ZNF385D: variants seen among roughly 807,000 people sequenced by gnomAD.
ZNF385D encodes zinc finger protein 659.
In ZNF385D, 15 loss-of-function variants were observed where a neutral mutation model predicts 35.8. The ratio of observed to expected loss-of-function variants is 0.42; its 90% CI spans 0.28 to 0.64. The LOEUF (loss-of-function observed/expected upper bound fraction) is 0.64, where lower values mean the gene tolerates loss of function less well. Ranked by LOEUF, ZNF385D falls within the 30% of genes least tolerant of loss-of-function variation. ZNF385D has a pLI of 0.23. For missense variants in ZNF385D, 474 were observed against 494.6 expected (o/e 0.96, Z 0.39); for synonymous variants, 212 against 186.8 (o/e 1.13, Z -1.10).
chr3:22,369,649 T>C (rs1014294186), intron 2 of ZNF385D, among the ~76,000 whole-genome samples: 3 of 152,182 alleles, frequency 2.0e-5, no homozygotes, highest in African/African-American at 7.2e-5. Context: ...AGCATCCCAA[T>C]GGGTTTATAC....
intron 3 of ZNF385D, among the ~76,000 whole-genome samples, chr3:21,810,904 T>C (rs1404721778): frequency 1.3e-5 from 2 of 151,626 alleles, no homozygotes; most frequent in East Asian, 3.9e-4. Flanking sequence ...TTTATATATG[T>C]ACATATATAA....
At position 22,053,079 on chromosome 3, in the gene ZNF385D, C is replaced by A. The variant is rs1397734851; in HGVS notation, c.325+115738G>T. Among the ~76,000 whole-genome samples, 2 of 78,772 alleles carry A rather than the reference C, an allele frequency of 2.5e-5. 1 individual carries two copies. Among genetic ancestry groups the A allele is most frequent in the East Asian group, 1.3e-3 (2 of 1,544 alleles). The allele number at this position is 78,772 out of a possible 152,430, so 51.7% of individuals were successfully genotyped here. On this transcript the variant is annotated intron_variant, in intron 3 of 5. Transcript: ENST00000494108. ...TTACCTAAGCAAGCCTGGGCAATGG[C>A]GGGCGCCCCTCCCCCAGCCTCGTTG...
chr3:22,000,104 G>A (rs139244373), intron 3 of ZNF385D, among the ~76,000 whole-genome samples: 6,814 of 152,126 alleles, frequency 0.045, 212 homozygotes, highest in Non-Finnish European at 0.067. Context: ...AGGAGATCAA[G>A]ACCATCCTGG....
chr3:22,280,186 A>T (rs1480846770), intron 2 of ZNF385D, among the ~76,000 whole-genome samples: 1 of 152,042 alleles, frequency 6.6e-6, no homozygotes, highest in East Asian at 1.9e-4. Flanking sequence ...CCTTTGTCAG[A>T]TGTATAGATT....
At chr3:22,138,649 C>T (rs1704308236) in intron 3 of ZNF385D, among the ~76,000 whole-genome samples, 1 of 151,922 alleles carries the variant, frequency 6.6e-6, no homozygotes. Context: ...TTCCTTACAC[C>T]TTAGACAAAA....
At chr3:21,499,578 A>G (rs1017956220) in intron 4 of ZNF385D, among the ~76,000 whole-genome samples, 1 of 152,060 alleles carries the variant, frequency 6.6e-6, no homozygotes, top group African/African-American at 2.4e-5. Context: ...AAACCCTGTG[A>G]CATGCAATTT....
intron 2 of ZNF385D, among the ~76,000 whole-genome samples, chr3:22,229,285 A>T (rs1470563597): frequency 6.6e-6 from 1 of 152,074 alleles, no homozygotes; most frequent in Non-Finnish European, 1.5e-5. Context: ...AAAACTGGCC[A>T]CTTATTTGTG....
chr3:21,870,349 A>C (rs1697620917), intron 3 of ZNF385D, among the ~76,000 whole-genome samples: 1 of 152,178 alleles, frequency 6.6e-6, no homozygotes, highest in Non-Finnish European at 1.5e-5. Context: ...CCTAAGGTAA[A>C]GGGCAGGCCC....
At chr3:22,339,747 C>A (rs1381407522) in intron 2 of ZNF385D, among the ~76,000 whole-genome samples, 1 of 152,120 alleles carries the variant, frequency 6.6e-6, no homozygotes, top group Non-Finnish European at 1.5e-5. Context: ...CTGGTTTCTG[C>A]CTTCACTATC....
Position 21,670,660 on chromosome 3 carries a change from CCCCCCCCCCCCCCA to C in ZNF385D, c.23-5646_23-5633del, listed in dbSNP as rs2066544554. Among the ~76,000 whole-genome samples, 6 of 8,056 alleles carry C rather than the reference CCCCCCCCCCCCCCA, an allele frequency of 7.4e-4. 1 individual carries two copies. The highest frequency in any genetic ancestry group is 1.9e-3 in the Non-Finnish European group (4 of 2,074). 5.3% of individuals were successfully genotyped at this position (8,056 alleles called of 152,430 possible). The stretch of plus-strand genomic sequence containing the variant: ...ATGAAATCCTAAGGCGCCCCCCCCC[CCCCCCCCCCCCCCA>C]ATGACTGAACGAATCCCCTTTGGCC... On this transcript the variant is annotated intron_variant, in intron 1 of 7. Coordinates refer to ENST00000281523, the MANE Select transcript of ZNF385D (RefSeq NM_024697.3).
In ZNF385D at chr3:22,328,836, G is replaced by A. The variant is rs568805727; in HGVS notation, c.106+43614C>T. The stretch of plus-strand genomic sequence containing the variant: ...CACGCCTGTAATCCCAGCACTTTGG[G>A]AAGCCGAGGCGGGCGGATCACGAGG... On this transcript the variant is annotated intron_variant, in intron 2 of 5. Coordinates refer to the ZNF385D transcript ENST00000494108. Among the ~76,000 whole-genome samples the A allele has an allele frequency of 1.7e-3, 256 of 151,954 alleles. No homozygotes were observed. The Middle Eastern group carries it at 0.017, about 10-fold the overall frequency.
chr3:21,773,518 CATCT>C (rs1241944865), intron 3 of ZNF385D, among the ~76,000 whole-genome samples: 2 of 151,784 alleles, frequency 1.3e-5, no homozygotes, highest in African/African-American at 4.8e-5. Context: ...GCAATCTATC[CATCT>C]GACAAAAGTC....
chr3:21,877,479 G>A (rs1361145479), intron 3 of ZNF385D, among the ~76,000 whole-genome samples: 1 of 152,038 alleles, frequency 6.6e-6, no homozygotes, highest in Non-Finnish European at 1.5e-5. Context: ...CACTTTGGTA[G>A]TTATTTAAAG....
At chr3:21,597,790 G>A (rs1299462041) in intron 2 of ZNF385D, among the ~76,000 whole-genome samples, 2 of 152,164 alleles carry the variant, frequency 1.3e-5, no homozygotes, top group Non-Finnish European at 2.9e-5. Context: ...AACATCTTGA[G>A]TATAATTTTG....
At chr3:21,859,196 G>C (rs1402550705) in intron 3 of ZNF385D, among the ~76,000 whole-genome samples, 2 of 151,956 alleles carry the variant, frequency 1.3e-5, no homozygotes, top group East Asian at 3.9e-4. Context: ...AACAGCTCCT[G>C]AGCCTTTCTG....
intron 2 of ZNF385D, among the ~76,000 whole-genome samples, chr3:21,570,544 A>G (rs1021232569): frequency 2.6e-5 from 4 of 152,220 alleles, no homozygotes; most frequent in African/African-American, 9.6e-5. Context: ...TAGGAAGTTT[A>G]GAAGTCCAGA....
Position 22,242,619 on chromosome 3 carries a change from G to T in ZNF385D, c.107-73584C>A, listed in dbSNP as rs546173338. 5.2e-4 allele frequency among the ~76,000 whole-genome samples: 78 copies of T among 151,162 alleles called. 3 individuals carry two copies. Among genetic ancestry groups the T allele is most frequent in the Non-Finnish European group, 1.0e-3 (69 of 67,936 alleles). ...ACGAAGGAAATATTGAGGAAAGATT[G>T]TTGTAGACTGAGAGAGACTAATGTG... On this transcript the variant is annotated intron_variant, in intron 2 of 5. Transcript: ENST00000494108.
intron 3 of ZNF385D, among the ~76,000 whole-genome samples, chr3:21,914,141 T>TA (rs1432232532): frequency 2.6e-5 from 4 of 151,868 alleles, no homozygotes; most frequent in East Asian, 1.9e-4. Flanking sequence ...AAATCACTCT[T>TA]AAAAAAAATG....
intron 2 of ZNF385D, among the ~76,000 whole-genome samples, chr3:22,283,392 T>C (rs1701868020): frequency 6.6e-6 from 1 of 152,128 alleles, no homozygotes; most frequent in African/African-American, 2.4e-5. Context: ...TCTATTCAAT[T>C]GCTTTTTGAT....
Sources: gnomAD v4.1 joint callset for allele counts (sites outside exome capture counted in the v4.1 genomes callset) on GRCh38, gnomAD v4.1.1 for gene constraint, MANE v1.5 for transcripts, NCBI Gene and HGNC (gene_info 2026-07-23, HGNC 2026-07-21) for gene names.